Variants in POLQ observed in about 807,000 individuals in gnomAD.
The protein encoded by POLQ is DNA polymerase theta.
A neutral mutation model predicts 259.2 loss-of-function variants in POLQ; 233 were observed. The ratio of observed to expected loss-of-function variants is 0.90; its 90% CI spans 0.81 to 1.00. POLQ has a LOEUF of 1.00. Ranked by LOEUF, POLQ falls within the 50% of genes least tolerant of loss-of-function variation. The pLI, the probability that POLQ is intolerant of heterozygous loss-of-function variation, is 0.00. For missense variants in POLQ, 2,871 were observed against 3,051.6 expected (o/e 0.94, Z 1.39); for synonymous variants, 1,025 against 1,048.8 (o/e 0.98, Z 0.44).
At chr3:121,465,891 A>G (rs1230062552) in intron 24 of POLQ, among the ~76,000 whole-genome samples, 1 of 152,200 alleles carries the variant, frequency 6.6e-6, no homozygotes, top group Non-Finnish European at 1.5e-5. Context: ...TGTTCAAGTG[A>G]AAGGGAAAGT....
chr3:121,459,511 A>G (rs564086544), intron 25 of POLQ, among the ~76,000 whole-genome samples: 7 of 151,256 alleles, frequency 4.6e-5, no homozygotes, highest in African/African-American at 1.5e-4. Context: ...CCTCCCAAGT[A>G]GCTGGGACTA....
chr3:121,484,896 G>A, intron 17 of POLQ, 145 bp downstream of exon 17: 2 of 616,812 alleles, frequency 3.2e-6, no homozygotes, highest in Non-Finnish European at 5.3e-6. Context: ...GTGACATTCT[G>A]TCTCAAAAAA....
rs758801005 is a variant in POLQ at position 121,489,352 on chromosome 3, G to T, written c.3579C>A (p.Asn1193Lys). Residue 1193 changes from asparagine (N) to lysine (K), a missense_variant, in exon 16 of 30, where the codon AAC becomes AAA. By Grantham distance (94) the Asn-to-Lys change is moderately conservative (BLOSUM62 0). Transcript: ENST00000264233. ...CATGAGATTGCTTTCGCAGGTACTG[G>T]TTAATTGGATGGATGTCATGGTGTT... ...YMKHHDIHPINQYLRKQSHEQ... is the reference protein window; with the variant it reads ...YMKHHDIHPIKQYLRKQSHEQ... 5.0e-6 allele frequency: 8 copies of T among 1,613,220 alleles called. No homozygotes were observed. The highest frequency in any genetic ancestry group is 6.8e-6 in the Non-Finnish European group (8 of 1,179,758).
chr3:121,541,251 T>C, intron 3 of POLQ, 98 bp downstream of exon 3: 2 of 1,112,216 alleles, frequency 1.8e-6, no homozygotes, highest in Non-Finnish European at 1.3e-6. Flanking sequence ...GAAGAAACTT[T>C]GTTTTCCACT....
At chr3:121,523,731 C>T (rs1001250823) in intron 7 of POLQ, among the ~76,000 whole-genome samples, 5 of 149,610 alleles carry the variant, frequency 3.3e-5, no homozygotes, top group Non-Finnish European at 7.5e-5. Flanking sequence ...AAAATAAAAA[C>T]AAAAAAACAA....
rs3218628 is a variant in POLQ, at chr3:121,473,309, G to A, written c.6543+41C>T. Reference sequence around the variant, plus strand: ...TCTAGACACCAAAATGTTAAAAGTAGTTTAGGTTCTGCCCTGCTCTGTGAC... The same window carrying A: ...TCTAGACACCAAAATGTTAAAAGTAATTTAGGTTCTGCCCTGCTCTGTGAC... On this transcript the variant is annotated intron_variant, in intron 21 of 29. Coordinates refer to ENST00000264233, the MANE Select transcript of POLQ (RefSeq NM_199420.4). 2.6e-3 allele frequency: 3,922 copies of A among 1,533,996 alleles called. 103 individuals carry two copies. The African/African-American group carries it at 0.05, about 19-fold the overall frequency.
chr3:121,529,918 C>A, intron 6 of POLQ, 126 bp from the exon 7 acceptor site: 8 of 601,956 alleles, frequency 1.3e-5, no homozygotes, highest in Non-Finnish European at 1.9e-5. Context: ...AAATCAGTTA[C>A]AAAGTCAATA....
intron 17 of POLQ, among the ~76,000 whole-genome samples, chr3:121,484,728 C>G (rs2047997549): frequency 6.6e-6 from 1 of 152,086 alleles, no homozygotes; most frequent in African/African-American, 2.4e-5. Flanking sequence ...TGGTAAAACC[C>G]TGTCTCTACT....
intron 19 of POLQ, among the ~76,000 whole-genome samples, chr3:121,480,431 T>C (rs1327550487): frequency 6.6e-6 from 1 of 152,120 alleles, no homozygotes; most frequent in South Asian, 2.1e-4. Flanking sequence ...CTTCAATTCT[T>C]GAATTCTATG....
chr3:121,488,385 CT>C lies in POLQ; in HGVS notation c.4545del (p.Glu1516LysfsTer2). ...PDMQMKEPLP[S>X]EVTSNHFSDS... ...TCACTAAAATGGTTTGATGTTACTT[CT>C]GAAGGAAGGGGTTCTTTCATTTGCA... On this transcript the variant is annotated frameshift_variant, in exon 16 of 30. Transcript: ENST00000264233. LOFTEE classifies it high-confidence loss of function. 1 of 1,612,298 alleles carries C rather than the reference CT, an allele frequency of 6.2e-7. No homozygotes were observed. The highest frequency in any genetic ancestry group is 8.5e-7 in the Non-Finnish European group (1 of 1,178,428).
chr3:121,541,347 A>C lies in POLQ; in HGVS notation c.474+2T>G. On this transcript the variant is annotated splice_donor_variant, in intron 3 of 29. Coordinates refer to ENST00000264233, the MANE Select transcript of POLQ (RefSeq NM_199420.4). LOFTEE classifies it high-confidence loss of function. The stretch of plus-strand genomic sequence containing the variant: ...TATTTCAAACTTAGTAAAAAACATT[A>C]CCTGGAGGTAGTATTTCTTCTCTTT... 6.3e-7 allele frequency: 1 copy of C among 1,588,676 alleles called. No individual in the cohort carries two copies. Among genetic ancestry groups the C allele is most frequent in the Non-Finnish European group, 8.5e-7 (1 of 1,169,886 alleles).
intron 19 of POLQ, 144 bp downstream of exon 19, chr3:121,481,428 T>C: frequency 2.9e-6 from 2 of 693,740 alleles, no homozygotes; most frequent in Non-Finnish European, 4.7e-6. Context: ...AAATATTTAC[T>C]CTCTGGCCTT....
chr3:121,485,217 C>A, intron 16 of POLQ, 33 bp from the exon 17 acceptor site: 1 of 1,444,732 alleles, frequency 6.9e-7, no homozygotes, highest in Non-Finnish European at 9.4e-7. Context: ...AGTTAAAAAT[C>A]TCTAAAAATA....
At chr3:121,481,870 C>T (rs2047974473) in intron 18 of POLQ, 58 bp from the exon 19 acceptor site, 3 of 1,462,984 alleles carry the variant, frequency 2.1e-6, no homozygotes, top group Admixed American at 4.5e-5. Flanking sequence ...ACTTATGTAC[C>T]TCTAAATGAA....
At chr3:121,443,032 A>G (rs1218818969) in intron 26 of POLQ, among the ~76,000 whole-genome samples, 1 of 151,970 alleles carries the variant, frequency 6.6e-6, no homozygotes, top group Admixed American at 6.6e-5. Flanking sequence ...TAATTTTTGT[A>G]TATTTAGTAG....
At chr3:121,439,750 T>C (rs1201190334) in intron 27 of POLQ, among the ~76,000 whole-genome samples, 1 of 152,246 alleles carries the variant, frequency 6.6e-6, no homozygotes, top group African/African-American at 2.4e-5. Flanking sequence ...CAACAGAACA[T>C]GTTTAAAGTA....
intron 19 of POLQ, among the ~76,000 whole-genome samples, chr3:121,477,180 A>G (rs943029410): frequency 2.0e-5 from 3 of 152,206 alleles, no homozygotes; most frequent in South Asian, 2.1e-4. Flanking sequence ...TGTACAACAC[A>G]AAGTTTATTC....
At chr3:121,527,642 C>T (rs1427020785) in intron 7 of POLQ, among the ~76,000 whole-genome samples, 4 of 152,208 alleles carry the variant, frequency 2.6e-5, no homozygotes, top group Non-Finnish European at 5.9e-5. Flanking sequence ...AAGCTCGATG[C>T]ATTTATCTTA....
intron 14 of POLQ, chr3:121,494,449 G>A (rs369750529): frequency 2.6e-6 from 4 of 1,514,074 alleles, no homozygotes; most frequent in African/African-American, 1.4e-5. Flanking sequence ...AGCAGAGGCT[G>A]TTGGCCTGGG....
Sources: gnomAD v4.1 joint callset for allele counts (sites outside exome capture counted in the v4.1 genomes callset) on GRCh38, gnomAD v4.1.1 for gene constraint, MANE v1.5 for transcripts, NCBI Gene and HGNC (gene_info 2026-07-23, HGNC 2026-07-21) for gene names.